ADIPOQ: variants seen among roughly 807,000 people sequenced by gnomAD.
ADIPOQ encodes adiponectin, C1Q and collagen domain containing.
Under a neutral mutation model 16.1 loss-of-function variants are expected in ADIPOQ, and 19 were observed. The observed-to-expected ratio is 1.18, with a 90% confidence interval of 0.82 to 1.73. The LOEUF (loss-of-function observed/expected upper bound fraction) is 1.73. Among genes scored for constraint, ADIPOQ ranks in the 40% most tolerant of loss-of-function variants. The pLI is 0.00. For synonymous variants in ADIPOQ, 124 were observed against 125.5 expected (o/e 0.99, Z 0.08); for missense variants, 323 against 308.3 (o/e 1.05, Z -0.36).
intron 1 of ADIPOQ, among the ~76,000 whole-genome samples, chr3:186,850,695 C>G (rs1327386818): frequency 5.3e-5 from 8 of 151,918 alleles, no homozygotes; most frequent in Middle Eastern, 3.2e-3. Context: ...ATTATATCCA[C>G]TTACTAGACT....
At position 186,855,038 on chromosome 3, in the gene ADIPOQ, T is replaced by C. The variant is rs201008329; in HGVS notation, c.*334T>C. ...TCTCCTGTTTTTACAGATTGTATCC[T>C]GAGGCTGAGAGAGTTAAGTGAATGT... On this transcript the variant is annotated 3_prime_UTR_variant, in exon 3 of 3. Transcript: ENST00000320741. 1.6e-5 allele frequency: 6 copies of C among 376,150 alleles called. No individual in the cohort carries two copies. Among genetic ancestry groups the C allele is most frequent in the Non-Finnish European group, 3.0e-5 (6 of 199,374 alleles). The allele number at this position is 376,150 out of a possible 1,614,324, so 23.3% of individuals were successfully genotyped here. A position where few individuals can be genotyped will look rare whatever the true frequency, so the allele number is the denominator to read the frequency against.
At chr3:186,845,884 T>A (rs1436759126) in intron 1 of ADIPOQ, among the ~76,000 whole-genome samples, 1 of 152,188 alleles carries the variant, frequency 6.6e-6, no homozygotes, top group Non-Finnish European at 1.5e-5. Flanking sequence ...GTTCCTCATC[T>A]CACATGATCA....
intron 1 of ADIPOQ, among the ~76,000 whole-genome samples, chr3:186,851,521 G>A (rs1388913277): frequency 6.6e-6 from 1 of 152,026 alleles, no homozygotes; most frequent in East Asian, 1.9e-4. Context: ...TTTGAGACAG[G>A]GAGGCTTTTG....
Position 186,856,409 on chromosome 3 carries a change from T to C in ADIPOQ, c.*1705T>C, listed in dbSNP as rs972077476. The C allele has an allele frequency of 6.6e-6, 1 of 152,258 alleles. No homozygotes were observed. The highest frequency in any genetic ancestry group is 2.1e-4 in the South Asian group (1 of 4,828). The allele number at this position is 152,258 out of a possible 1,614,324, so 9.4% of individuals were successfully genotyped here. On this transcript the variant is annotated 3_prime_UTR_variant, in exon 3 of 3. Coordinates refer to ENST00000320741, the MANE Select transcript of ADIPOQ (RefSeq NM_004797.4). ...TTCTCTCTTATATGTGTATTGCTAA[T>C]CATTAAGGTATTATTTTTTCCACAT...
chr3:186,853,134 G>A lies in ADIPOQ; in HGVS notation c.76G>A (p.Gly26Arg), dbSNP rs200006814. Residue 26 changes from glycine to arginine, a missense_variant, in exon 2 of 3, where the codon GGA becomes AGA. Coordinates refer to ENST00000320741, the MANE Select transcript of ADIPOQ (RefSeq NM_004797.4). ...HDQETTTQGP[G>R]VLLPLPKGAC... ...CCAGGAAACCACGACTCAAGGGCCC[G>A]GAGTCCTGCTTCCCCTGCCCAAGGG... 5.4e-5 allele frequency: 87 copies of A among 1,614,072 alleles called. No homozygotes were observed. The highest frequency in any genetic ancestry group is 3.3e-4 in the Middle Eastern group (2 of 6,084).
chr3:186,845,392 A>G (rs1711553906), intron 1 of ADIPOQ, among the ~76,000 whole-genome samples: 1 of 151,734 alleles, frequency 6.6e-6, no homozygotes, highest in Non-Finnish European at 1.5e-5. Context: ...TTTTTTTGAG[A>G]CAGAGTTTCA....
Position 186,853,129 on chromosome 3 carries a change from G to C in ADIPOQ, c.71G>C (p.Gly24Ala). 1 of 1,614,196 alleles carries C rather than the reference G, an allele frequency of 6.2e-7. No individual in the cohort carries two copies. The highest frequency in any genetic ancestry group is 8.5e-7 in the Non-Finnish European group (1 of 1,180,026). The change falls in exon 2 of 3, where the codon GGG (glycine) becomes GCG (alanine). Residue 24 changes from glycine to alanine, a missense_variant. Coordinates refer to ENST00000320741, the MANE Select transcript of ADIPOQ (RefSeq NM_004797.4). ...PGHDQETTTQ[G>A]PGVLLPLPKG... ...CATGACCAGGAAACCACGACTCAAG[G>C]GCCCGGAGTCCTGCTTCCCCTGCCC...
intron 1 of ADIPOQ, among the ~76,000 whole-genome samples, chr3:186,851,141 C>T (rs888872452): frequency 1.3e-5 from 2 of 152,000 alleles, no homozygotes; most frequent in South Asian, 4.2e-4. Flanking sequence ...CTTCAGTTGT[C>T]CTGAAGACAA....
chr3:186,852,656 T>G, intron 1 of ADIPOQ: 1 of 207,014 alleles, frequency 4.8e-6, no homozygotes, highest in African/African-American at 2.3e-5. Context: ...GAGAAGCTGG[T>G]TAGCATTGAA....
At position 186,854,259 on chromosome 3, in the gene ADIPOQ, T is replaced by A. The variant is rs370574236; in HGVS notation, c.290T>A (p.Ile97Asn). 4 of 1,613,728 alleles carry A rather than the reference T, an allele frequency of 2.5e-6. No homozygotes were observed. In the Admixed American group the frequency reaches 5.0e-5, roughly 20 times the overall value. ...GAEGPRGFPGIQGRKGEPGEG... is the reference protein window; with the variant it reads ...GAEGPRGFPGNQGRKGEPGEG... ...GAAGGTCCCCGAGGCTTTCCGGGAA[T>A]CCAAGGCAGGAAAGGAGAACCTGGA... Residue 97 changes from isoleucine (I) to asparagine (N), a missense_variant, in exon 3 of 3, where the codon ATC becomes AAC. By Grantham distance (149) the Ile-to-Asn change is moderately radical (BLOSUM62 -3). Coordinates refer to ENST00000320741, the MANE Select transcript of ADIPOQ (RefSeq NM_004797.4).
At chr3:186,845,796 G>T (rs938328744) in intron 1 of ADIPOQ, among the ~76,000 whole-genome samples, 3 of 152,220 alleles carry the variant, frequency 2.0e-5, no homozygotes, top group African/African-American at 7.2e-5. Context: ...GCTATGGGAA[G>T]ATTAAGTAAA....
At chr3:186,846,734 C>T (rs1003781590) in intron 1 of ADIPOQ, among the ~76,000 whole-genome samples, 1 of 152,318 alleles carries the variant, frequency 6.6e-6, no homozygotes, top group Admixed American at 6.5e-5. Context: ...GATAAATGAT[C>T]ACAGTATGGC....
intron 1 of ADIPOQ, among the ~76,000 whole-genome samples, chr3:186,845,074 G>A (rs555778744): frequency 3.1e-4 from 47 of 151,948 alleles, no homozygotes; most frequent in South Asian, 6.2e-4. Context: ...GTGTGTGCGC[G>A]CGCGCACACT....
In ADIPOQ at chr3:186,856,338, A is replaced by C. The variant is rs1263753295; in HGVS notation, c.*1634A>C. 1 of 152,242 alleles carries C rather than the reference A, an allele frequency of 6.6e-6. No homozygotes were observed. The highest frequency in any genetic ancestry group is 1.5e-5 in the Non-Finnish European group (1 of 68,050). 9.4% of individuals were successfully genotyped at this position (152,242 alleles called of 1,614,324 possible). A position where few individuals can be genotyped will look rare whatever the true frequency, so the allele number is the denominator to read the frequency against. On this transcript the variant is annotated 3_prime_UTR_variant, in exon 3 of 3. Coordinates refer to ENST00000320741, the MANE Select transcript of ADIPOQ (RefSeq NM_004797.4). ...AAATAGCATTCTCTATCAATATATA[A>C]ATTTAAAAAACTATCTTTTTGCTTA...
intron 1 of ADIPOQ, among the ~76,000 whole-genome samples, chr3:186,850,039 C>T (rs903337788): frequency 1.1e-4 from 16 of 152,092 alleles, no homozygotes; most frequent in African/African-American, 2.7e-4. Flanking sequence ...GAGCCCAAGG[C>T]GGGCGGATCA....
intron 1 of ADIPOQ, among the ~76,000 whole-genome samples, chr3:186,845,235 C>T (rs1304567490): frequency 6.6e-6 from 1 of 151,928 alleles, no homozygotes; most frequent in Non-Finnish European, 1.5e-5. Flanking sequence ...TGACAGCTCT[C>T]CCAGGGCTGA....
chr3:186,847,294 A>ATTTTG (rs1711603646), intron 1 of ADIPOQ, among the ~76,000 whole-genome samples: 2 of 152,256 alleles, frequency 1.3e-5, no homozygotes, highest in Admixed American at 1.3e-4. Flanking sequence ...TGAGAATCGA[A>ATTTTG]TGAGACACTA....
rs1711935385 is a variant in ADIPOQ, at chr3:186,854,836, T to G, written c.*132T>G. 1 of 1,295,256 alleles carries G rather than the reference T, an allele frequency of 7.7e-7. No homozygotes were observed. The highest frequency in any genetic ancestry group is 1.5e-5 in the African/African-American group (1 of 68,116). 80.2% of individuals were successfully genotyped at this position (1,295,256 alleles called of 1,614,324 possible). Reference sequence around the variant, plus strand: ...ATTATTCATTCATTTACTCATTCATTTATTCATTCATTCATCGAGTAACTT... The same window carrying G: ...ATTATTCATTCATTTACTCATTCATGTATTCATTCATTCATCGAGTAACTT... On this transcript the variant is annotated 3_prime_UTR_variant, in exon 3 of 3. Coordinates refer to ENST00000320741, the MANE Select transcript of ADIPOQ (RefSeq NM_004797.4).
intron 1 of ADIPOQ, among the ~76,000 whole-genome samples, chr3:186,848,196 A>AGG: frequency 6.9e-6 from 1 of 144,184 alleles, no homozygotes; most frequent in Admixed American, 7.0e-5. Context: ...AAAGAGAGAG[A>AGG]GAAAAGAAGG....
Sources: allele counts gnomAD v4.1 joint callset (sites outside exome capture counted in the v4.1 genomes callset), GRCh38; gene constraint gnomAD v4.1.1; transcripts MANE v1.5; gene names NCBI Gene and HGNC (gene_info 2026-07-23, HGNC 2026-07-21).